ZNF613: variants seen among roughly 807,000 people sequenced by gnomAD.
ZNF613 encodes zinc finger protein 613.
A neutral mutation model predicts 14.3 loss-of-function variants in ZNF613; 8 were observed. That is an observed-to-expected ratio of 0.56 (90% CI 0.33 to 1.01). The LOEUF is 1.01. Among genes scored for constraint, ZNF613 ranks in the 50% least tolerant of loss-of-function variants. The pLI, the probability that ZNF613 is intolerant of heterozygous loss-of-function variation, is 0.03. For synonymous variants in ZNF613, 228 were observed against 254.5 expected (o/e 0.90, Z 0.99); for missense variants, 656 against 741.9 (o/e 0.88, Z 1.35).
At chr19:51,928,403 G>T (rs1470847263) in intron 1 of ZNF613, among the ~76,000 whole-genome samples, 1 of 152,316 alleles carries the variant, frequency 6.6e-6, no homozygotes, top group Non-Finnish European at 1.5e-5. Flanking sequence ...AGGGCATCCT[G>T]ATTGGTGTGT....
At chr19:51,936,494 C>CT (rs1036199392) in intron 3 of ZNF613, among the ~76,000 whole-genome samples, 15 of 151,796 alleles carry the variant, frequency 9.9e-5, no homozygotes, top group Non-Finnish European at 2.1e-4. Context: ...TGATAAGGGT[C>CT]TTTTTTTTGT....
intron 4 of ZNF613, 66 bp downstream of exon 4, chr19:51,940,401 CA>C (rs1786652196): frequency 1.2e-6 from 2 of 1,611,584 alleles, no homozygotes; most frequent in Non-Finnish European, 1.7e-6. Context: ...TCTCAGCTTT[CA>C]AAAGCTCTGG....
chr19:51,930,322 C>T (rs1478310912), intron 2 of ZNF613, among the ~76,000 whole-genome samples: 1 of 151,692 alleles, frequency 6.6e-6, no homozygotes, highest in Non-Finnish European at 1.5e-5. Flanking sequence ...AATGCAGTGG[C>T]GTGATCTCAG....
chr19:51,945,049 T>G lies in ZNF613; in HGVS notation c.1166T>G (p.Val389Gly), dbSNP rs781100544. The G allele has an allele frequency of 1.2e-6, 2 of 1,614,190 alleles. No homozygotes were observed. Among genetic ancestry groups the G allele is most frequent in the South Asian group, 2.2e-5 (2 of 91,082 alleles). The change falls in exon 6 of 6, where the codon GTA becomes GGA. Residue 389 changes from valine to glycine, a missense_variant. By Grantham distance (109) the Val-to-Gly change is moderately radical (BLOSUM62 -3). Transcript: ENST00000293471. ...TTCATTCAGAAGGGAAATCTCATTG[T>G]ACATCAGCGAATTCATACTGGAGAA... ...KGFIQKGNLI[V>G]HQRIHTGEKP...
At chr19:51,934,593 T>C (rs2085291854) in intron 2 of ZNF613, among the ~76,000 whole-genome samples, 1 of 152,228 alleles carries the variant, frequency 6.6e-6, no homozygotes, top group Non-Finnish European at 1.5e-5. Flanking sequence ...TGTTTGGTAG[T>C]GATGCTTTAG....
chr19:51,935,493 T>C (rs758283513), intron 2 of ZNF613, among the ~76,000 whole-genome samples: 1 of 152,192 alleles, frequency 6.6e-6, no homozygotes, highest in African/African-American at 2.4e-5. Context: ...CTTAGGTCAA[T>C]GTTGGAATGG....
chr19:51,941,379 C>A (rs1309574319), intron 5 of ZNF613, among the ~76,000 whole-genome samples: 1 of 152,198 alleles, frequency 6.6e-6, no homozygotes, highest in African/African-American at 2.4e-5. Flanking sequence ...TTCCTCCTTC[C>A]ATGTCTGTCT....
intron 3 of ZNF613, among the ~76,000 whole-genome samples, 185 bp downstream of exon 3, chr19:51,936,420 A>G (rs2085305807): frequency 6.6e-6 from 1 of 152,220 alleles, no homozygotes; most frequent in Admixed American, 6.5e-5. Context: ...TACATGTGGT[A>G]TCATAGAAAG....
At chr19:51,940,105 T>C (rs2085335174) in intron 3 of ZNF613, 104 bp from the exon 4 acceptor site, 1 of 1,448,000 alleles carries the variant, frequency 6.9e-7, no homozygotes, top group African/African-American at 1.4e-5. Flanking sequence ...CCTAGATATA[T>C]AGATGCAGAC....
chr19:51,940,726 A>G lies in ZNF613; in HGVS notation c.235+17A>G. The G allele has an allele frequency of 6.2e-7, 1 of 1,603,088 alleles. No homozygotes were observed. The highest frequency in any genetic ancestry group is 8.5e-7 in the Non-Finnish European group (1 of 1,174,114). ...TCTGTCCAGGTGAGTTCAGGGTGAG[A>G]GCCAGCAAGGAGGGTGGCTGAGCAA... On this transcript the variant is annotated intron_variant, in intron 5 of 5. Coordinates refer to ENST00000293471, the MANE Select transcript of ZNF613 (RefSeq NM_001031721.4).
At chr19:51,936,728 G>A (rs1209746033) in intron 3 of ZNF613, among the ~76,000 whole-genome samples, 1 of 152,120 alleles carries the variant, frequency 6.6e-6, no homozygotes, top group African/African-American at 2.4e-5. Flanking sequence ...GAAGCAATCT[G>A]TCTCCCTTGG....
In ZNF613 at chr19:51,945,362, C is replaced by T. The variant is rs374038603; in HGVS notation, c.1479C>T (p.Phe493=). 37 of 1,613,932 alleles carry T rather than the reference C, an allele frequency of 2.3e-5. No homozygotes were observed. In the Admixed American group the frequency reaches 4.7e-4, roughly 20 times the overall value. Residue 493 remains phenylalanine, a synonymous_variant, in exon 6 of 6, where the codon TTC becomes TTT. Transcript: ENST00000293471. ...PYTCSDCGKA[F]RDKSCLNRHR... is the part of the protein sequence containing the mutation. ...CATGCAGTGACTGTGGGAAAGCTTT[C>T]AGAGATAAATCATGTCTCAACAGAC...
intron 3 of ZNF613, among the ~76,000 whole-genome samples, chr19:51,938,352 A>G (rs2122816507): frequency 6.6e-6 from 1 of 151,892 alleles, no homozygotes; most frequent in South Asian, 2.1e-4. Context: ...GCTCACTGCA[A>G]CCTCGATTTC....
chr19:51,943,928 G>A (rs564875268), intron 5 of ZNF613, among the ~76,000 whole-genome samples, 191 bp from the exon 6 acceptor site: 1 of 152,270 alleles, frequency 6.6e-6, no homozygotes, highest in South Asian at 2.1e-4. Context: ...TACACTGACT[G>A]CTTTTATTTT....
At position 51,944,988 on chromosome 19, in the gene ZNF613, G is replaced by C; in HGVS notation, c.1105G>C (p.Glu369Gln). Reference protein sequence around the residue: ...LNAHQKAHTGEKSYICRDCGK... With the variant: ...LNAHQKAHTGQKSYICRDCGK... ...TGCACATCAGAAAGCTCACACAGGA[G>C]AGAAGTCATATATATGCCGTGATTG... Residue 369 changes from glutamate to glutamine, a missense_variant, in exon 6 of 6, where the codon GAG (glutamate) becomes CAG (glutamine). Coordinates refer to ENST00000293471, the MANE Select transcript of ZNF613 (RefSeq NM_001031721.4). 1 of 1,614,212 alleles carries C rather than the reference G, an allele frequency of 6.2e-7. No homozygotes were observed. Among genetic ancestry groups the C allele is most frequent in the Non-Finnish European group, 8.5e-7 (1 of 1,180,042 alleles).
intron 2 of ZNF613, among the ~76,000 whole-genome samples, chr19:51,933,906 C>T (rs1187797201): frequency 2.6e-5 from 4 of 152,194 alleles, no homozygotes; most frequent in Non-Finnish European, 5.9e-5. Context: ...TCAAATGATT[C>T]TCCTGCCTCA....
Position 51,945,635 on chromosome 19 carries a change from A to G in ZNF613, c.1752A>G (p.Ser584=), listed in dbSNP as rs759778228. ...TGCCTTCTGTGGCAGCTCAGACCTC[A>G]TTAACTAACAGTGCGTTCCAAGCAG... is the stretch of plus-strand genomic sequence containing the variant. The part of the protein sequence containing the change: ...LQMPSVAAQT[S]LTNSAFQAES... The change falls in exon 6 of 6, where the codon TCA becomes TCG. Residue 584 remains serine, a synonymous_variant. Transcript: ENST00000293471. 2.6e-5 allele frequency: 42 copies of G among 1,614,058 alleles called. No individual in the cohort carries two copies. The highest frequency in any genetic ancestry group is 1.6e-4 in the Middle Eastern group (1 of 6,084).
intron 2 of ZNF613, among the ~76,000 whole-genome samples, chr19:51,933,140 T>G (rs2085280082): frequency 6.6e-6 from 1 of 152,188 alleles, no homozygotes; most frequent in Non-Finnish European, 1.5e-5. Flanking sequence ...TTTAGAGTCT[T>G]CTTAGGTCTT....
In ZNF613 at chr19:51,945,114, C is replaced by T; in HGVS notation, c.1231C>T (p.Gln411Ter). 4 of 1,614,102 alleles carry T rather than the reference C, an allele frequency of 2.5e-6. No homozygotes were observed. The highest frequency in any genetic ancestry group is 3.4e-6 in the Non-Finnish European group (4 of 1,179,992). The change falls in exon 6 of 6, where the codon CAA (glutamine) becomes TAA (stop). Residue 411 changes from glutamine (Q) to a stop codon, truncating the protein, a stop_gained. Coordinates refer to ENST00000293471, the MANE Select transcript of ZNF613 (RefSeq NM_001031721.4). LOFTEE classifies it low-confidence loss of function (END_TRUNC). ...CAATGAATGTGGAAAAGGCTTCATC[C>T]AAAAGGGCAACCTCCTTATTCATCG... ...ICNECGKGFI[Q>*]KGNLLIHRRT...
Sources: gnomAD v4.1 joint callset for allele counts (sites outside exome capture counted in the v4.1 genomes callset) on GRCh38, gnomAD v4.1.1 for gene constraint, MANE v1.5 for transcripts, NCBI Gene and HGNC (gene_info 2026-07-23, HGNC 2026-07-21) for gene names.